The following NOTCH2 variants were observed in gnomAD, a reference collection of about 807,000 sequenced individuals.
NOTCH2 encodes the protein neurogenic locus notch homolog protein 2.
Under a neutral mutation model 235.8 loss-of-function variants are expected in NOTCH2, and 29 were observed. The observed-to-expected ratio is 0.12, with a 90% CI of 0.09 to 0.17. The LOEUF (loss-of-function observed/expected upper bound fraction) is 0.17, where lower values mean the gene tolerates loss of function less well. Ranked by LOEUF, NOTCH2 falls within the 10% of genes least tolerant of loss-of-function variation. The pLI, the probability that NOTCH2 is intolerant of heterozygous loss-of-function variation, is 1.00. For missense variants in NOTCH2, 2,285 were observed against 3,150.2 expected (o/e 0.73, Z 6.57); for synonymous variants, 1,086 against 1,141.5 (o/e 0.95, Z 0.98).
intron 1 of NOTCH2, among the ~76,000 whole-genome samples, chr1:120,060,758 T>C (rs880002076): frequency 3.3e-5 from 5 of 149,984 alleles, no homozygotes; most frequent in African/African-American, 9.8e-5. Flanking sequence ...TCAATGTTTG[T>C]TTTTAGTTAC....
At chr1:120,003,029 G>T (rs1319969117) in intron 3 of NOTCH2, among the ~76,000 whole-genome samples, 1 of 150,648 alleles carries the variant, frequency 6.6e-6, no homozygotes, top group Non-Finnish European at 1.5e-5. Context: ...ATTGATCTTG[G>T]GTGTGTCTGT....
intron 19 of NOTCH2, among the ~76,000 whole-genome samples, chr1:119,940,186 G>C (rs1247920080): frequency 6.6e-6 from 1 of 152,150 alleles, no homozygotes; most frequent in African/African-American, 2.4e-5. Flanking sequence ...TAAACACTTA[G>C]ATGTTGCATC....
At chr1:119,952,822 AG>A (rs1650533293) in intron 14 of NOTCH2, among the ~76,000 whole-genome samples, 1 of 152,264 alleles carries the variant, frequency 6.6e-6, no homozygotes, top group African/African-American at 2.4e-5. Context: ...TGTGTTAAAA[AG>A]TTTGTTGAAA....
At chr1:119,933,455 T>A (rs2101178598) in intron 22 of NOTCH2, among the ~76,000 whole-genome samples, 1 of 152,312 alleles carries the variant, frequency 6.6e-6, no homozygotes, top group South Asian at 2.1e-4. Flanking sequence ...GTAAGTAGGA[T>A]AAACTCAAAG....
At chr1:120,028,388 C>A (rs1170011763) in intron 2 of NOTCH2, among the ~76,000 whole-genome samples, 1 of 150,706 alleles carries the variant, frequency 6.6e-6, no homozygotes, top group South Asian at 2.1e-4. Flanking sequence ...GTATTAAGTT[C>A]CCTCCCTTAT....
At chr1:119,936,624 C>A (rs587682035) in intron 21 of NOTCH2, among the ~76,000 whole-genome samples, 1 of 152,190 alleles carries the variant, frequency 6.6e-6, no homozygotes, top group Admixed American at 6.5e-5. Flanking sequence ...AATACAGAAG[C>A]TATCGTTGGC....
intron 5 of NOTCH2, among the ~76,000 whole-genome samples, chr1:119,980,295 A>G (rs1198780022): frequency 6.6e-6 from 1 of 152,144 alleles, no homozygotes; most frequent in Non-Finnish European, 1.5e-5. Flanking sequence ...CATCTTACCT[A>G]AAGTATTCCC....
intron 23 of NOTCH2, among the ~76,000 whole-genome samples, chr1:119,928,378 T>C (rs587627907): frequency 6.6e-6 from 1 of 152,304 alleles, no homozygotes; most frequent in Non-Finnish European, 1.5e-5. Context: ...CCCCTTTAAG[T>C]ATCTAAGCAG....
In NOTCH2 at chr1:119,916,002, G is replaced by A; in HGVS notation, c.6720C>T (p.Ser2240=). ...CTGGGACTGGATGGAGCCTACTCAAGCTTCCAGCACTGCCACTGCCTGGAG... is the reference window on the plus strand; with the variant it reads ...CTGGGACTGGATGGAGCCTACTCAAACTTCCAGCACTGCCACTGCCTGGAG... The part of the protein sequence containing the change: ...IVSPGSGSAG[S]LSRLHPVPVP... The change falls in exon 34 of 34, where the codon AGC becomes AGT. Residue 2240 remains serine, a synonymous_variant. Transcript: ENST00000256646. 6 of 1,613,822 alleles carry A rather than the reference G, an allele frequency of 3.7e-6. No homozygotes were observed. The highest frequency in any genetic ancestry group is 2.2e-5 in the East Asian group (1 of 44,886).
In NOTCH2 at chr1:119,913,136, G is replaced by A. The variant is rs185583506; in HGVS notation, c.*2170C>T. 17 of 233,316 alleles carry A rather than the reference G, an allele frequency of 7.3e-5. No homozygotes were observed. Among genetic ancestry groups the A allele is most frequent in the African/African-American group, 3.7e-4 (17 of 45,474 alleles). 14.5% of individuals were successfully genotyped at this position (233,316 alleles called of 1,614,324 possible). On this transcript the variant is annotated 3_prime_UTR_variant, in exon 34 of 34. Coordinates refer to ENST00000256646, the MANE Select transcript of NOTCH2 (RefSeq NM_024408.4). ...TGAATAATAAATGGGTCCAAGGGCA[G>A]AGAGTCACCATTTAGAATGATAAAA...
chr1:119,960,809 G>A (rs1443583699), intron 11 of NOTCH2, among the ~76,000 whole-genome samples: 1 of 151,972 alleles, frequency 6.6e-6, no homozygotes, highest in African/African-American at 2.4e-5. Context: ...GATTACAGGT[G>A]TGTACCACCT....
chr1:119,963,180 T>TAGGTAGGAAGGAAGGAAGGA (rs140617036), intron 11 of NOTCH2, among the ~76,000 whole-genome samples: 2 of 144,746 alleles, frequency 1.4e-5, no homozygotes, highest in Admixed American at 7.0e-5. Flanking sequence ...GGAAGGTAGG[T>TAGGTAGGAAGGAAGGAAGGA]AGGAAGGAAG....
intron 5 of NOTCH2, among the ~76,000 whole-genome samples, chr1:119,974,708 T>TATTC: frequency 6.6e-6 from 1 of 152,326 alleles, no homozygotes; most frequent in South Asian, 2.1e-4. Flanking sequence ...TTTCCCTGCT[T>TATTC]ATTCACATGG....
chr1:119,941,501 G>A (rs781989485), intron 18 of NOTCH2, 25 bp downstream of exon 18: 2 of 1,506,544 alleles, frequency 1.3e-6, no homozygotes, highest in Admixed American at 1.7e-5. Flanking sequence ...GTAAGATGCT[G>A]ATGCCCGAGG....
chr1:119,956,919 T>A lies in NOTCH2; in HGVS notation c.2027-1687A>T, dbSNP rs781834226. ...GAGTTTCCACTGAGCATGAGGAAAG[T>A]CCAGTGGAAGGCCAAGAAATTTTTT... On this transcript the variant is annotated intron_variant, in intron 12 of 33. Transcript: ENST00000256646. 1.2e-4 allele frequency among the ~76,000 whole-genome samples: 18 copies of A among 152,298 alleles called. 1 individual carries two copies. Among genetic ancestry groups the A allele is most frequent in the Admixed American group, 3.3e-4 (5 of 15,302 alleles).
chr1:119,954,184 T>A (rs781810297), intron 13 of NOTCH2, among the ~76,000 whole-genome samples: 9 of 152,180 alleles, frequency 5.9e-5, no homozygotes, highest in Non-Finnish European at 1.0e-4. Flanking sequence ...ACCTAGGGTA[T>A]TCTGCAGGAA....
intron 13 of NOTCH2, 75 bp downstream of exon 13, chr1:119,954,965 G>T: frequency 6.8e-7 from 1 of 1,467,678 alleles, no homozygotes; most frequent in East Asian, 2.3e-5. Context: ...GACAACTTCA[G>T]GCTGTCACCA....
intron 3 of NOTCH2, among the ~76,000 whole-genome samples, chr1:120,001,821 G>T (rs1198671479): frequency 2.0e-5 from 3 of 152,150 alleles, no homozygotes; most frequent in African/African-American, 7.2e-5. Flanking sequence ...TCACTTTATG[G>T]CTAAAGAAGT....
At chr1:119,983,650 T>C (rs1379485419) in intron 5 of NOTCH2, among the ~76,000 whole-genome samples, 28 of 152,182 alleles carry the variant, frequency 1.8e-4, no homozygotes, top group Admixed American at 1.8e-3. Flanking sequence ...ATTGTTTCAA[T>C]ATCCCAAGAA....
Sources: allele counts gnomAD v4.1 joint callset (sites outside exome capture counted in the v4.1 genomes callset), GRCh38; gene constraint gnomAD v4.1.1; transcripts MANE v1.5; gene names NCBI Gene and HGNC (gene_info 2026-07-23, HGNC 2026-07-21).